Variants in SLC24A2 observed in about 807,000 individuals in gnomAD.
SLC24A2 encodes the protein solute carrier family 24 member 2.
SLC24A2 carries 36 observed loss-of-function variants against 62.0 expected under a neutral mutation model. The ratio of observed to expected loss-of-function variants is 0.58; its 90% CI spans 0.44 to 0.77. The LOEUF (loss-of-function observed/expected upper bound fraction) is 0.77. SLC24A2 is among the 30% of genes least tolerant of loss of function. SLC24A2 has a pLI of 0.00. For synonymous variants in SLC24A2, 358 were observed against 294.0 expected (o/e 1.22, Z -2.23); for missense variants, 846 against 817.9 (o/e 1.03, Z -0.42).
intron 7 of SLC24A2, among the ~76,000 whole-genome samples, chr9:19,573,045 A>G (rs976792470): frequency 1.1e-4 from 16 of 152,210 alleles, no homozygotes; most frequent in South Asian, 6.2e-4. Context: ...CTGTTTCACC[A>G]CACCTGGTAT....
At chr9:19,976,714 A>G in the SLC24A2 span, among the ~76,000 whole-genome samples, 12 of 152,234 alleles carry the variant, frequency 7.9e-5, no homozygotes, top group Non-Finnish European at 1.6e-4. Context: ...ATTTGGTATA[A>G]GAAATTTGAG....
At chr9:20,078,763 C>T in the SLC24A2 span, among the ~76,000 whole-genome samples, 1 of 152,138 alleles carries the variant, frequency 6.6e-6, no homozygotes, top group African/African-American at 2.4e-5. Flanking sequence ...ATCTTTCCTC[C>T]AAAAGAATGC....
At chr9:19,742,737 C>A (rs1160160467) in intron 2 of SLC24A2, among the ~76,000 whole-genome samples, 2 of 152,124 alleles carry the variant, frequency 1.3e-5, no homozygotes, top group African/African-American at 4.8e-5. Context: ...AACTAAAAAG[C>A]AACCTGTGAA....
At chr9:20,234,041 G>A in the SLC24A2 span, among the ~76,000 whole-genome samples, 2 of 152,224 alleles carry the variant, frequency 1.3e-5, no homozygotes, top group African/African-American at 4.8e-5. Context: ...CTTTAAAAAT[G>A]TTGAATATTG....
chr9:19,521,975 C>A (rs1037292638), intron 9 of SLC24A2, among the ~76,000 whole-genome samples: 2 of 151,204 alleles, frequency 1.3e-5, no homozygotes, highest in African/African-American at 2.4e-5. Flanking sequence ...TTCTCTTGAG[C>A]AATTTGTTTG....
At chr9:20,162,507 G>C in the SLC24A2 span, among the ~76,000 whole-genome samples, 9 of 151,882 alleles carry the variant, frequency 5.9e-5, no homozygotes, top group Admixed American at 1.3e-4. Flanking sequence ...CAACCAAAAA[G>C]AGTCCAGGAC....
chr9:19,642,606 G>A (rs1357055292), intron 2 of SLC24A2, among the ~76,000 whole-genome samples: 1 of 150,162 alleles, frequency 6.7e-6, no homozygotes, highest in East Asian at 2.0e-4. Context: ...ACCAAATAGA[G>A]TTTGTTTCAT....
intron 7 of SLC24A2, among the ~76,000 whole-genome samples, chr9:19,565,659 T>C (rs1205846614): frequency 1.3e-5 from 2 of 152,124 alleles, no homozygotes; most frequent in African/African-American, 2.4e-5. Flanking sequence ...ATTGCCAAGA[T>C]AATCCTAAGC....
intron 8 of SLC24A2, among the ~76,000 whole-genome samples, chr9:19,548,669 A>G (rs1165095880): frequency 6.6e-6 from 1 of 152,222 alleles, no homozygotes; most frequent in African/African-American, 2.4e-5. Context: ...GCAGTTGGTT[A>G]TGACGACTGC....
At chr9:20,065,768 CCT>C in the SLC24A2 span, among the ~76,000 whole-genome samples, 2 of 152,206 alleles carry the variant, frequency 1.3e-5, no homozygotes, top group South Asian at 4.2e-4. Flanking sequence ...ACCCTGAACC[CCT>C]GTTCCTTTTT....
At chr9:19,670,753 G>T (rs1382852438) in intron 2 of SLC24A2, among the ~76,000 whole-genome samples, 1 of 152,144 alleles carries the variant, frequency 6.6e-6, no homozygotes, top group Non-Finnish European at 1.5e-5. Flanking sequence ...TATGTCTCAG[G>T]GTAAGGATAA....
intron 2 of SLC24A2, among the ~76,000 whole-genome samples, chr9:19,656,607 G>C (rs905492641): frequency 2.0e-5 from 3 of 152,090 alleles, no homozygotes. Context: ...AAATTCCTAT[G>C]TTTTTATCCC....
chr9:19,600,177 A>T (rs1223707608), intron 4 of SLC24A2, among the ~76,000 whole-genome samples: 1 of 152,212 alleles, frequency 6.6e-6, no homozygotes, highest in African/African-American at 2.4e-5. Flanking sequence ...AAGAAATTCC[A>T]GAACCCTGTG....
rs926849973 is a variant in SLC24A2, at chr9:19,707,773, C to G, written c.930+78164G>C. On this transcript the variant is annotated intron_variant, in intron 2 of 10. Transcript: ENST00000341998. ...TGTATCTCAAAATAATAAGAGCTAT[C>G]TATGACAAACCCACAGCCAATATCA... 1.1e-4 allele frequency among the ~76,000 whole-genome samples: 17 copies of G among 152,220 alleles called. 1 individual carries two copies. Among genetic ancestry groups the G allele is most frequent in the African/African-American group, 3.9e-4 (16 of 41,524 alleles).
At chr9:19,906,172 C>T in the SLC24A2 span, among the ~76,000 whole-genome samples, 1 of 152,188 alleles carries the variant, frequency 6.6e-6, no homozygotes, top group Non-Finnish European at 1.5e-5. Context: ...GATTAAGAAA[C>T]TCAGTCAAAA....
At chr9:19,653,531 T>C (rs977319085) in intron 2 of SLC24A2, among the ~76,000 whole-genome samples, 1 of 152,208 alleles carries the variant, frequency 6.6e-6, no homozygotes, top group African/African-American at 2.4e-5. Flanking sequence ...ATAGTCTTCA[T>C]TCCAATAGCT....
At chr9:20,298,997 A>G in the SLC24A2 span, among the ~76,000 whole-genome samples, 5,199 of 152,204 alleles carry the variant, frequency 0.034, 262 homozygotes, top group South Asian at 0.21. Flanking sequence ...GGTCTGAGAG[A>G]TGGTTTGGGG....
At chr9:19,851,619 G>A in the SLC24A2 span, among the ~76,000 whole-genome samples, 1 of 152,072 alleles carries the variant, frequency 6.6e-6, no homozygotes, top group Non-Finnish European at 1.5e-5. Context: ...GAGGATAATG[G>A]CTTCCACCTC....
At chr9:20,269,456 T>G in the SLC24A2 span, among the ~76,000 whole-genome samples, 1 of 152,186 alleles carries the variant, frequency 6.6e-6, no homozygotes, top group African/African-American at 2.4e-5. Context: ...CATTTCTCTG[T>G]TCTCAGCAAG....
Sources: gnomAD v4.1 joint callset for allele counts (sites outside exome capture counted in the v4.1 genomes callset) on GRCh38, gnomAD v4.1.1 for gene constraint, MANE v1.5 for transcripts, NCBI Gene and HGNC (gene_info 2026-07-23, HGNC 2026-07-21) for gene names.